The following RBFOX1 variants were observed in gnomAD, a reference collection of about 807,000 sequenced individuals.
RBFOX1 encodes the protein RNA binding protein fox-1 homolog 1.
Under a neutral mutation model 57.7 loss-of-function variants are expected in RBFOX1, and 8 were observed. The observed-to-expected ratio is 0.14, with a 90% CI of 0.08 to 0.25. The LOEUF (loss-of-function observed/expected upper bound fraction) is 0.25, where lower values mean the gene tolerates loss of function less well. Ranked by LOEUF, RBFOX1 falls within the 10% of genes least tolerant of loss-of-function variation. The pLI, the probability that RBFOX1 is intolerant of heterozygous loss-of-function variation, is 1.00. For missense variants in RBFOX1, 611 were observed against 548.5 expected (o/e 1.11, Z -1.14); for synonymous variants, 326 against 222.4 (o/e 1.47, Z -4.15).
At chr16:7,608,267 C>G (rs895273935) in intron 10 of RBFOX1, among the ~76,000 whole-genome samples, 6 of 152,308 alleles carry the variant, frequency 3.9e-5, no homozygotes, top group Admixed American at 3.9e-4. Flanking sequence ...TTGTCATTTT[C>G]CTAATACTGA....
intron 4 of RBFOX1, among the ~76,000 whole-genome samples, chr16:7,410,821 G>T (rs1167689276): frequency 2.9e-5 from 4 of 136,316 alleles, no homozygotes; most frequent in African/African-American, 8.2e-5. Flanking sequence ...TGAGGATCAT[G>T]AGTTTTCACG....
chr16:5,891,621 G>C (rs1185495196), intron 4 of RBFOX1, among the ~76,000 whole-genome samples: 1 of 152,156 alleles, frequency 6.6e-6, no homozygotes, highest in Non-Finnish European at 1.5e-5. Flanking sequence ...CTGGGTGAGG[G>C]TGCACCAGGA....
chr16:6,128,883 C>G (rs192113787), intron 1 of RBFOX1, among the ~76,000 whole-genome samples: 30 of 152,272 alleles, frequency 2.0e-4, no homozygotes, highest in African/African-American at 7.2e-4. Flanking sequence ...CCCCAGAATG[C>G]CCATGCTGAG....
At chr16:7,265,218 C>G (rs2095081793) in intron 4 of RBFOX1, among the ~76,000 whole-genome samples, 1 of 151,802 alleles carries the variant, frequency 6.6e-6, no homozygotes, top group South Asian at 2.1e-4. Flanking sequence ...CAACAGAAAT[C>G]TTTTCTCTTG....
chr16:5,338,239 C>T (rs760795824), intron 1 of RBFOX1, among the ~76,000 whole-genome samples: 15 of 152,052 alleles, frequency 9.9e-5, no homozygotes, highest in South Asian at 4.2e-4. Context: ...TTTTATTCCA[C>T]GACCTCAGAA....
chr16:6,405,610 G>T (rs1429522933), intron 2 of RBFOX1, among the ~76,000 whole-genome samples: 1 of 152,166 alleles, frequency 6.6e-6, no homozygotes, highest in Non-Finnish European at 1.5e-5. Context: ...GAATGAGAAT[G>T]CTGCTCTTCT....
chr16:6,193,379 T>TATATAATATATATATATATATA (rs1555545337), intron 1 of RBFOX1, among the ~76,000 whole-genome samples: 1 of 63,136 alleles, frequency 1.6e-5, no homozygotes, highest in African/African-American at 5.1e-5. Flanking sequence ...TATATATACA[T>TATATAATATATATATATATATA]TATATATATA....
intron 3 of RBFOX1, among the ~76,000 whole-genome samples, chr16:5,784,057 G>A (rs575390704): frequency 1.3e-5 from 2 of 152,148 alleles, no homozygotes; most frequent in African/African-American, 2.4e-5. Context: ...CAGGCTGTAC[G>A]GGAAGCATAG....
intron 3 of RBFOX1, among the ~76,000 whole-genome samples, chr16:7,041,990 A>G (rs1193107121): frequency 6.6e-6 from 1 of 152,198 alleles, no homozygotes; most frequent in Admixed American, 6.5e-5. Context: ...GAGATGTTCA[A>G]GGACTGGACT....
intron 10 of RBFOX1, among the ~76,000 whole-genome samples, chr16:7,613,023 C>A (rs1161090909): frequency 1.3e-5 from 2 of 152,074 alleles, no homozygotes; most frequent in East Asian, 1.9e-4. Flanking sequence ...GAGACGTGAT[C>A]AATAGGGAAA....
chr16:6,920,493 C>T (rs1001637170), intron 3 of RBFOX1, among the ~76,000 whole-genome samples: 6 of 152,194 alleles, frequency 3.9e-5, no homozygotes, highest in Non-Finnish European at 7.3e-5. Flanking sequence ...ACCGAGTCCA[C>T]AGAGGCTCTT....
intron 4 of RBFOX1, among the ~76,000 whole-genome samples, chr16:7,197,340 T>G (rs1029994613): frequency 3.3e-5 from 5 of 152,036 alleles, no homozygotes; most frequent in African/African-American, 1.2e-4. Context: ...ACTCCTGATC[T>G]TGGGAATCCC....
intron 1 of RBFOX1, among the ~76,000 whole-genome samples, chr16:6,292,932 A>C (rs1008623511): frequency 1.3e-5 from 2 of 152,116 alleles, no homozygotes; most frequent in African/African-American, 4.8e-5. Context: ...GCCTGTTTCA[A>C]CCTTAAGTAC....
chr16:6,567,698 G>A (rs1408743884), intron 2 of RBFOX1, among the ~76,000 whole-genome samples: 2 of 152,182 alleles, frequency 1.3e-5, no homozygotes, highest in African/African-American at 4.8e-5. Context: ...GTCAGTGGAT[G>A]GATGCCTATT....
intron 2 of RBFOX1, among the ~76,000 whole-genome samples, chr16:6,550,342 A>G (rs2096967277): frequency 1.3e-5 from 2 of 152,106 alleles, no homozygotes; most frequent in South Asian, 4.2e-4. Flanking sequence ...AGGCCCAGCT[A>G]ATTTTTATAT....
intron 1 of RBFOX1, among the ~76,000 whole-genome samples, chr16:6,160,509 C>T (rs1432002018): frequency 1.3e-5 from 2 of 152,154 alleles, no homozygotes; most frequent in East Asian, 3.9e-4. Context: ...CCTGGGCAAA[C>T]ACCGTCATCT....
intron 4 of RBFOX1, among the ~76,000 whole-genome samples, chr16:7,427,485 G>A (rs2098632187): frequency 1.3e-5 from 2 of 151,988 alleles, no homozygotes; most frequent in South Asian, 4.2e-4. Context: ...ACAACTGTGT[G>A]TAGCTCTCCC....
chr16:6,988,775 T>G lies in RBFOX1; in HGVS notation c.-15-63282T>G, dbSNP rs982815208. Among the ~76,000 whole-genome samples the G allele has an allele frequency of 3.7e-4, 55 of 150,660 alleles. 1 individual carries two copies. Among genetic ancestry groups the G allele is most frequent in the African/African-American group, 1.3e-3 (54 of 40,886 alleles). Reference sequence around the variant, plus strand: ...TGTTTTTTGTTTTTTGTTTTTTGTTTTTTGTTTTTGTTTTTAAGATGGAGT... The same window carrying G: ...TGTTTTTTGTTTTTTGTTTTTTGTTGTTTGTTTTTGTTTTTAAGATGGAGT... On this transcript the variant is annotated intron_variant, in intron 3 of 15. Transcript: ENST00000550418.
At chr16:5,764,859 C>G (rs2053721640) in intron 3 of RBFOX1, among the ~76,000 whole-genome samples, 1 of 152,178 alleles carries the variant, frequency 6.6e-6, no homozygotes, top group South Asian at 2.1e-4. Flanking sequence ...AGCAGGCACT[C>G]TGTATATGGC....
Sources: gnomAD v4.1 joint callset for allele counts (sites outside exome capture counted in the v4.1 genomes callset) on GRCh38, gnomAD v4.1.1 for gene constraint, MANE v1.5 for transcripts, NCBI Gene and HGNC (gene_info 2026-07-23, HGNC 2026-07-21) for gene names.